Variants in ADARB2 observed in about 807,000 individuals in gnomAD.
ADARB2 encodes adenosine deaminase RNA specific B2 (inactive), also known as inactive double-stranded RNA-specific editase B2.
In ADARB2, 25 loss-of-function variants were observed where a neutral mutation model predicts 62.2. The ratio of observed to expected loss-of-function variants is 0.40; its 90% CI spans 0.29 to 0.56. The LOEUF is 0.56. ADARB2 is among the 20% of genes least tolerant of loss of function. ADARB2 has a pLI of 0.43. For missense variants in ADARB2, 1,071 were observed against 1,077.4 expected, an observed-to-expected ratio of 0.99 and a Z score of 0.08; for synonymous variants, 572 against 500.8, an observed-to-expected ratio of 1.14 and a Z score of -1.90.
At chr10:1,371,327 A>G (rs1832370055) in intron 2 of ADARB2, among the ~76,000 whole-genome samples, 1 of 152,214 alleles carries the variant, frequency 6.6e-6, no homozygotes, top group Admixed American at 6.5e-5. Flanking sequence ...ATAGGACCTG[A>G]AACTATAAAA....
At chr10:1,361,609 T>C (rs1832256210) in intron 3 of ADARB2, 1 of 152,038 alleles carries the variant, frequency 6.6e-6, no homozygotes, top group Non-Finnish European at 1.5e-5. Flanking sequence ...TCAACAAGCA[T>C]TGGTTGACAA....
At chr10:1,599,786 G>A (rs1780647453) in intron 1 of ADARB2, among the ~76,000 whole-genome samples, 1 of 152,092 alleles carries the variant, frequency 6.6e-6, no homozygotes, top group Non-Finnish European at 1.5e-5. Context: ...TGTTGCCGAG[G>A]CTGGAGTAGA....
At chr10:1,705,568 A>T (rs1027089568) in intron 1 of ADARB2, among the ~76,000 whole-genome samples, 1 of 152,242 alleles carries the variant, frequency 6.6e-6, no homozygotes, top group African/African-American at 2.4e-5. Flanking sequence ...GATTGTTTAC[A>T]GACAGTTTTG....
intron 3 of ADARB2, among the ~76,000 whole-genome samples, chr10:1,316,251 G>A (rs1296305487): frequency 1.3e-5 from 2 of 152,234 alleles, no homozygotes; most frequent in African/African-American, 2.4e-5. Context: ...GACAGGCGGC[G>A]TCACACAGCA....
chr10:1,217,118 C>T lies in ADARB2; in HGVS notation c.1515G>A (p.Leu505=). 1 of 1,587,958 alleles carries T rather than the reference C, an allele frequency of 6.3e-7. No homozygotes were observed. Residue 505 remains leucine (L), a splice_region_variant and synonymous_variant, in exon 7 of 10, where the codon CTG becomes CTA. Coordinates refer to ENST00000381312, the MANE Select transcript of ADARB2 (RefSeq NM_018702.4). ...TCCTGACGAGGTGTTTGCTGCTGTGCACTAGGAGATAAAAGGGCGGGGAGG... is the reference window on the plus strand; with the variant it reads ...TCCTGACGAGGTGTTTGCTGCTGTGTACTAGGAGATAAAAGGGCGGGGAGG... The part of the protein sequence containing the change: ...LHSPYEITTD[L]HSSKHLVRKF...
At chr10:1,501,093 T>G (rs890700517) in intron 1 of ADARB2, among the ~76,000 whole-genome samples, 3 of 152,196 alleles carry the variant, frequency 2.0e-5, no homozygotes, top group Non-Finnish European at 4.4e-5. Context: ...CAGGCTGGTC[T>G]TGAACTTCTG....
chr10:1,632,269 CTA>C (rs1393299590), intron 1 of ADARB2, among the ~76,000 whole-genome samples: 1 of 151,960 alleles, frequency 6.6e-6, no homozygotes, highest in Non-Finnish European at 1.5e-5. Context: ...CATGCATACA[CTA>C]CACACACATA....
intron 1 of ADARB2, among the ~76,000 whole-genome samples, chr10:1,576,678 C>A (rs933788969): frequency 6.6e-6 from 1 of 152,116 alleles, no homozygotes; most frequent in African/African-American, 2.4e-5. Context: ...AGCGGAGGGG[C>A]GCTGTGCACC....
intron 1 of ADARB2, among the ~76,000 whole-genome samples, chr10:1,442,822 T>A (rs917357627): frequency 6.6e-6 from 1 of 151,918 alleles, no homozygotes; most frequent in African/African-American, 2.4e-5. Flanking sequence ...CAGTATAAAA[T>A]AAACAGACCA....
intron 4 of ADARB2, among the ~76,000 whole-genome samples, chr10:1,266,950 C>G (rs1174802396): frequency 6.6e-6 from 1 of 151,648 alleles, no homozygotes; most frequent in African/African-American, 2.4e-5. Context: ...CCAAAAACAT[C>G]GAGTAAAAGA....
chr10:1,462,785 G>A (rs527589822), intron 1 of ADARB2, among the ~76,000 whole-genome samples: 226 of 151,246 alleles, frequency 1.5e-3, no homozygotes, highest in Non-Finnish European at 2.7e-3. Flanking sequence ...ATGTGTGCAC[G>A]TGTGTGCATG....
At chr10:1,719,763 A>G (rs1285608060) in intron 1 of ADARB2, among the ~76,000 whole-genome samples, 1 of 152,264 alleles carries the variant, frequency 6.6e-6, no homozygotes, top group East Asian at 1.9e-4. Context: ...TAAAGAAGAC[A>G]AACATGCGAT....
intron 1 of ADARB2, chr10:1,526,636 C>T: frequency 4.0e-6 from 1 of 248,502 alleles, no homozygotes; most frequent in Non-Finnish European, 8.6e-6. Context: ...CTTCCTGGGG[C>T]CTCACCAGAT....
intron 1 of ADARB2, among the ~76,000 whole-genome samples, chr10:1,509,027 T>C (rs1017113147): frequency 6.6e-6 from 1 of 151,642 alleles, no homozygotes; most frequent in African/African-American, 2.4e-5. Flanking sequence ...TGAAGAGGAG[T>C]CTATGAATAG....
intron 1 of ADARB2, among the ~76,000 whole-genome samples, chr10:1,485,260 G>A (rs1311998886): frequency 3.3e-5 from 5 of 152,004 alleles, no homozygotes; most frequent in African/African-American, 1.2e-4. Flanking sequence ...GTATGTAGGT[G>A]GATTTGTAGG....
At chr10:1,250,677 C>G (rs552117988) in intron 4 of ADARB2, among the ~76,000 whole-genome samples, 3 of 152,136 alleles carry the variant, frequency 2.0e-5, no homozygotes, top group Non-Finnish European at 4.4e-5. Flanking sequence ...GCTAGATAAA[C>G]CACTATTTTT....
At position 1,594,333 on chromosome 10, in the gene ADARB2, A is replaced by G. The variant is rs1833304257; in HGVS notation, c.100+142718T>C. Among the ~76,000 whole-genome samples, 3 of 151,974 alleles carry G rather than the reference A, an allele frequency of 2.0e-5. No homozygotes were observed. The South Asian group carries it at 6.2e-4, about 32-fold the overall frequency. On this transcript the variant is annotated intron_variant, in intron 1 of 9. Coordinates refer to ENST00000381312, the MANE Select transcript of ADARB2 (RefSeq NM_018702.4). ...CAAACAAAACAACAACAACAACAAAAACCACGTCTGCGTGACTGCCTCCCG... is the reference window on the plus strand; with the variant it reads ...CAAACAAAACAACAACAACAACAAAGACCACGTCTGCGTGACTGCCTCCCG...
Position 1,656,832 on chromosome 10 carries a change from A to G in ADARB2, c.100+80219T>C, listed in dbSNP as rs11250709. On this transcript the variant is annotated intron_variant, in intron 1 of 9. Transcript: ENST00000381312. Reference sequence around the variant, plus strand: ...AAAATTAAAATTATCTTCAAGGCTTATTTATCCTGTTGCCCAGAGAATGCT... The same window carrying G: ...AAAATTAAAATTATCTTCAAGGCTTGTTTATCCTGTTGCCCAGAGAATGCT... Among the ~76,000 whole-genome samples the G allele has an allele frequency of 2.6e-5, 4 of 151,590 alleles. No individual in the cohort carries two copies. In the East Asian group the frequency reaches 7.7e-4, roughly 29 times the overall value.
chr10:1,596,707 G>T (rs547820525), intron 1 of ADARB2, among the ~76,000 whole-genome samples: 126 of 152,314 alleles, frequency 8.3e-4, no homozygotes, highest in African/African-American at 2.8e-3. Flanking sequence ...CCGGCCATGA[G>T]CCCCGGGACA....
Sources: allele counts gnomAD v4.1 joint callset (sites outside exome capture counted in the v4.1 genomes callset), GRCh38; gene constraint gnomAD v4.1.1; transcripts MANE v1.5; gene names NCBI Gene and HGNC (gene_info 2026-07-23, HGNC 2026-07-21).